Variants in DCAF8L2 observed in about 807,000 individuals in gnomAD.
The protein encoded by DCAF8L2 is DDB1- and CUL4-associated factor 8-like protein 2.
For missense variants in DCAF8L2, 430 were observed against 490.7 expected (o/e 0.88, Z 1.17); for synonymous variants, 200 against 190.9 (o/e 1.05, Z -0.39).
chrX:27,478,851 A>G, the DCAF8L2 span, among the ~76,000 whole-genome samples: 2 of 112,043 alleles, frequency 1.8e-5, no homozygotes, highest in Non-Finnish European at 3.8e-5. Context: ...TTTTTCAAGA[A>G]GTTATTTCCT....
chrX:27,737,817 A>C (rs1921619343), intron 4 of DCAF8L2, among the ~76,000 whole-genome samples: 1 of 110,480 alleles, frequency 9.1e-6, no homozygotes, highest in African/African-American at 3.3e-5. Context: ...AGCACATTTA[A>C]ATGTAAGTTT....
chrX:27,610,178 T>C (rs1032497422), intron 1 of DCAF8L2, among the ~76,000 whole-genome samples: 2 of 111,701 alleles, frequency 1.8e-5, no homozygotes, highest in Non-Finnish European at 3.8e-5. Flanking sequence ...AATGATCAAA[T>C]AAGAGAAAAA....
rs778417791 is a variant in DCAF8L2 at position 27,614,419 on chromosome X, A to C, written c.-341-17460A>C. On this transcript the variant is annotated intron_variant, in intron 1 of 4. Coordinates refer to ENST00000451261, the MANE Select transcript of DCAF8L2 (RefSeq NM_001353450.2). ...AAAATACCAGCTTCTGGATTCATTG[A>C]TTTTTTGAAGGGTTTTTTGTGTCTC... Among the ~76,000 whole-genome samples the C allele has an allele frequency of 3.6e-5, 4 of 110,352 alleles. No individual in the cohort carries two copies. In the East Asian group the frequency reaches 1.1e-3, roughly 32 times the overall value.
At chrX:27,691,342 C>G (rs1930705273) in intron 3 of DCAF8L2, among the ~76,000 whole-genome samples, 1 of 111,250 alleles carries the variant, frequency 9.0e-6, no homozygotes, top group Admixed American at 9.6e-5. Context: ...TTCCTAAACA[C>G]TTATATGGCA....
At chrX:27,694,084 T>A (rs920090614) in intron 3 of DCAF8L2, among the ~76,000 whole-genome samples, 5 of 111,790 alleles carry the variant, frequency 4.5e-5, no homozygotes, top group African/African-American at 9.8e-5. Flanking sequence ...CTGGAGGCCA[T>A]TATCCCAAAC....
chrX:27,529,453 GAA>G, the DCAF8L2 span, among the ~76,000 whole-genome samples: 1 of 111,840 alleles, frequency 8.9e-6, no homozygotes, highest in South Asian at 3.7e-4. Context: ...CCCAAGGAAA[GAA>G]AAGAAAGAAT....
chrX:27,517,797 T>A, the DCAF8L2 span: 4 of 1,112,922 alleles, frequency 3.6e-6, no homozygotes, highest in African/African-American at 7.2e-5. Context: ...ATACACAGGT[T>A]TGTATTGCCT....
the DCAF8L2 span, among the ~76,000 whole-genome samples, chrX:27,482,155 A>G: frequency 9.0e-6 from 1 of 111,678 alleles, no homozygotes; most frequent in Non-Finnish European, 1.9e-5. Context: ...ATGCCTTTCT[A>G]AATGATACCA....
the DCAF8L2 span, among the ~76,000 whole-genome samples, chrX:27,542,382 A>G: frequency 9.1e-6 from 1 of 110,406 alleles, no homozygotes; most frequent in East Asian, 2.8e-4. Context: ...TGACTTTTTA[A>G]TAATAGCCAT....
intron 3 of DCAF8L2, among the ~76,000 whole-genome samples, chrX:27,702,408 A>C (rs1455836576): frequency 9.3e-6 from 1 of 107,342 alleles, no homozygotes; most frequent in Non-Finnish European, 1.9e-5. Context: ...CAACAAAAAA[A>C]ACCTACAAAC....
At chrX:27,672,064 A>G (rs1179552572) in intron 2 of DCAF8L2, among the ~76,000 whole-genome samples, 1 of 112,355 alleles carries the variant, frequency 8.9e-6, no homozygotes, top group Non-Finnish European at 1.9e-5. Flanking sequence ...TCTGTATACA[A>G]TGTTAGAAAC....
the DCAF8L2 span, among the ~76,000 whole-genome samples, chrX:27,555,603 A>G: frequency 2.4e-4 from 27 of 112,088 alleles, no homozygotes; most frequent in Non-Finnish European, 3.0e-4. Context: ...TCAGTTCCAG[A>G]TTTATCCTTT....
At chrX:27,536,369 A>T in the DCAF8L2 span, among the ~76,000 whole-genome samples, 1 of 112,768 alleles carries the variant, frequency 8.9e-6, no homozygotes, top group African/African-American at 3.2e-5. Flanking sequence ...TGAAACTAAG[A>T]GTTAAAATAT....
At chrX:27,528,499 T>TAC in the DCAF8L2 span, among the ~76,000 whole-genome samples, 494 of 102,960 alleles carry the variant, frequency 4.8e-3, 1 homozygote, top group African/African-American at 0.016. Context: ...TATATATATA[T>TAC]ATACACACAC....
intron 4 of DCAF8L2, among the ~76,000 whole-genome samples, chrX:27,737,147 A>G (rs1461592420): frequency 8.9e-6 from 1 of 111,992 alleles, no homozygotes; most frequent in Non-Finnish European, 1.9e-5. Flanking sequence ...AGTACGGCAA[A>G]TATAAATGGA....
the DCAF8L2 span, among the ~76,000 whole-genome samples, chrX:27,546,936 G>A: frequency 8.9e-6 from 1 of 112,242 alleles, no homozygotes; most frequent in Non-Finnish European, 1.9e-5. Context: ...TTAACATTTG[G>A]TTTATCTTTA....
intron 4 of DCAF8L2, among the ~76,000 whole-genome samples, chrX:27,733,798 T>C (rs1266921155): frequency 9.0e-6 from 1 of 111,690 alleles, no homozygotes; most frequent in East Asian, 2.8e-4. Context: ...CCTTTCCCCA[T>C]TGTGCGGTCT....
At chrX:27,634,106 C>G (rs765293151) in intron 2 of DCAF8L2, among the ~76,000 whole-genome samples, 22 of 111,712 alleles carry the variant, frequency 2.0e-4, no homozygotes, top group Non-Finnish European at 3.6e-4. Flanking sequence ...AATATGTGTT[C>G]CATTCCACAT....
chrX:27,619,256 G>A (rs1255855172), intron 1 of DCAF8L2, among the ~76,000 whole-genome samples: 1 of 111,464 alleles, frequency 9.0e-6, no homozygotes, highest in Non-Finnish European at 1.9e-5. Context: ...AATAGCTACT[G>A]TAAATCTCCA....
Sources: allele counts gnomAD v4.1 joint callset (sites outside exome capture counted in the v4.1 genomes callset), GRCh38; gene constraint gnomAD v4.1.1; transcripts MANE v1.5; gene names NCBI Gene and HGNC (gene_info 2026-07-23, HGNC 2026-07-21).